Variants in LINC00632 observed in about 807,000 individuals in gnomAD.
LINC00632 encodes the protein long independently transcribed non-coding RNA 632, also known as ALDOA related specific transcript.
At chrX:140,739,656 A>AT (rs1235129102) in intron 3 of LINC00632, among the ~76,000 whole-genome samples, 1 of 111,738 alleles carries the variant, frequency 8.9e-6, no homozygotes, top group African/African-American at 3.3e-5. Flanking sequence ...TTTTAGACTT[A>AT]TTTAGATATA....
intron 3 of LINC00632, among the ~76,000 whole-genome samples, chrX:140,741,585 G>A (rs765184287): frequency 5.4e-5 from 6 of 112,108 alleles, no homozygotes; most frequent in South Asian, 7.5e-4. Flanking sequence ...AAGGGTGCCC[G>A]CCATCTCAGA....
chrX:140,756,062 A>C (rs1931487956), intron 3 of LINC00632, among the ~76,000 whole-genome samples: 1 of 111,775 alleles, frequency 8.9e-6, no homozygotes, highest in Non-Finnish European at 1.9e-5. Context: ...ACCCCTGCCC[A>C]AAATAGAACA....
At chrX:140,723,267 ACACACACACACATTCCATACACGTG>A (rs1930764981) in intron 2 of LINC00632, among the ~76,000 whole-genome samples, 1 of 25,534 alleles carries the variant, frequency 3.9e-5, no homozygotes, top group Non-Finnish European at 9.0e-5. Context: ...CACATTCCAT[ACACACACACACATTCCATACACGTG>A]CACACACACA....
intron 2 of LINC00632, among the ~76,000 whole-genome samples, chrX:140,723,407 ACACACACATTC>A (rs1396846771): frequency 0.14 from 1,135 of 7,950 alleles, 48 homozygotes; most frequent in African/African-American, 0.36. Context: ...CACATTCCAT[ACACACACATTC>A]CATACACACA....
intron 3 of LINC00632, among the ~76,000 whole-genome samples, chrX:140,765,840 C>A (rs1931681446): frequency 8.9e-6 from 1 of 111,792 alleles, no homozygotes; most frequent in Admixed American, 9.5e-5. Context: ...AGGGGATGGA[C>A]TGGTTTTATT....
At chrX:140,767,295 A>G (rs1030320984) in intron 3 of LINC00632, among the ~76,000 whole-genome samples, 1 of 111,737 alleles carries the variant, frequency 8.9e-6, no homozygotes, top group African/African-American at 3.3e-5. Context: ...GGGTTGTATT[A>G]AATATTAAGT....
At chrX:140,737,159 CA>C (rs1342380505) in intron 3 of LINC00632, among the ~76,000 whole-genome samples, 1 of 110,818 alleles carries the variant, frequency 9.0e-6, no homozygotes, top group East Asian at 2.8e-4. Context: ...CTCGGCCTCC[CA>C]AAGTGCTGGC....
At chrX:140,762,608 C>T (rs1931620130) in intron 3 of LINC00632, among the ~76,000 whole-genome samples, 1 of 112,211 alleles carries the variant, frequency 8.9e-6, no homozygotes, top group Admixed American at 9.4e-5. Flanking sequence ...TGACAAACTG[C>T]TTCTGTAACA....
exon 5 of LINC00632, among the ~76,000 whole-genome samples, chrX:140,776,955 A>T (rs1403182243): frequency 5.4e-5 from 6 of 110,892 alleles, no homozygotes. Flanking sequence ...AATATACTGC[A>T]GCCATAAAAA....
chrX:140,723,543 TTCCATACACATACAC>T (rs1930789708), intron 2 of LINC00632, among the ~76,000 whole-genome samples: 2 of 7,955 alleles, frequency 2.5e-4, no homozygotes, highest in Non-Finnish European at 5.5e-4. Context: ...CACACACACA[TTCCATACACATACAC>T]AGACACACAT....
At chrX:140,733,805 A>T (rs1294393867) in intron 2 of LINC00632, 2 of 112,605 alleles carry the variant, frequency 1.8e-5, no homozygotes, top group East Asian at 5.6e-4. Flanking sequence ...AAATGGAAAG[A>T]CCTGAAACAA....
chrX:140,729,999 C>T (rs1186381143), intron 2 of LINC00632, among the ~76,000 whole-genome samples: 1 of 108,152 alleles, frequency 9.2e-6, no homozygotes, highest in African/African-American at 3.4e-5. Flanking sequence ...GCCTCAGCCT[C>T]CCCAGTAGCT....
At chrX:140,785,892 G>C (rs1932012218) in exon 5 of LINC00632, among the ~76,000 whole-genome samples, 1 of 111,506 alleles carries the variant, frequency 9.0e-6, no homozygotes, top group South Asian at 3.8e-4. Context: ...CTAACCTCCA[G>C]CATCTACCTG....
chrX:140,736,436 CTTTTT>C (rs748293491), intron 3 of LINC00632, among the ~76,000 whole-genome samples: 1 of 50,063 alleles, frequency 2.0e-5, no homozygotes, highest in African/African-American at 5.7e-5. Context: ...TCTTCTTCTT[CTTTTT>C]TTTTTTTTTT....
intron 2 of LINC00632, among the ~76,000 whole-genome samples, chrX:140,722,273 C>T (rs1487495511): frequency 3.7e-5 from 4 of 109,281 alleles, no homozygotes; most frequent in African/African-American, 1.3e-4. Flanking sequence ...TCACACAACA[C>T]GCACACTGTC....
intron 1 of LINC00632, among the ~76,000 whole-genome samples, chrX:140,710,611 CAG>C (rs1265102155): frequency 9.4e-6 from 1 of 106,028 alleles, no homozygotes; most frequent in Non-Finnish European, 1.9e-5. Flanking sequence ...TTCCTGAAAA[CAG>C]AGCTTTTGTA....
intron 2 of LINC00632, among the ~76,000 whole-genome samples, chrX:140,723,043 A>AAC (rs1930758798): frequency 9.2e-6 from 1 of 109,008 alleles, no homozygotes; most frequent in South Asian, 4.0e-4. Context: ...TCCATCTCAA[A>AAC]AAAAAAAAAA....
intron 2 of LINC00632, chrX:140,712,345 T>C (rs747440845): frequency 9.3e-6 from 1 of 107,097 alleles, no homozygotes; most frequent in East Asian, 2.9e-4. Flanking sequence ...TAGGCGCACC[T>C]GATATCCCAA....
intron 3 of LINC00632, among the ~76,000 whole-genome samples, chrX:140,759,385 C>G (rs1198935838): frequency 5.0e-5 from 5 of 100,309 alleles, no homozygotes; most frequent in African/African-American, 1.9e-4. Context: ...GAGATGGACT[C>G]TCACTCTGTT....
Sources: allele counts gnomAD v4.1 joint callset (sites outside exome capture counted in the v4.1 genomes callset), GRCh38; gene constraint gnomAD v4.1.1; transcripts MANE v1.5; gene names NCBI Gene and HGNC (gene_info 2026-07-23, HGNC 2026-07-21).